Variants in KLF12 observed in about 807,000 individuals in gnomAD.
The protein encoded by KLF12 is KLF transcription factor 12.
Under a neutral mutation model 37.8 loss-of-function variants are expected in KLF12, and 9 were observed. The ratio of observed to expected loss-of-function variants is 0.24; its 90% CI spans 0.14 to 0.42. KLF12 has a LOEUF of 0.42. Ranked by LOEUF, KLF12 falls within the 10% of genes least tolerant of loss-of-function variation. The pLI is 1.00. For synonymous variants in KLF12, 208 were observed against 202.1 expected (o/e 1.03, Z -0.25); for missense variants, 411 against 516.0 (o/e 0.80, Z 1.97).
chr13:74,271,295 C>A, the KLF12 span, among the ~76,000 whole-genome samples: 3 of 152,126 alleles, frequency 2.0e-5, no homozygotes, highest in Admixed American at 1.3e-4. Context: ...CTGTTGTCTG[C>A]AATCAACATA....
intron 1 of KLF12, among the ~76,000 whole-genome samples, chr13:74,096,487 A>G (rs560363772): frequency 6.6e-6 from 1 of 152,356 alleles, no homozygotes; most frequent in African/African-American, 2.4e-5. Flanking sequence ...TGCAAGATGT[A>G]CACTAAATAA....
chr13:74,119,227 G>A (rs1291895242), intron 1 of KLF12, among the ~76,000 whole-genome samples: 1 of 151,988 alleles, frequency 6.6e-6, no homozygotes, highest in Non-Finnish European at 1.5e-5. Context: ...CAGATACTTG[G>A]GAGGCTGAGG....
At position 73,690,529 on chromosome 13, in the gene KLF12, T is replaced by C. The variant is rs1232891879; in HGVS notation, c.*4961A>G. On this transcript the variant is annotated 3_prime_UTR_variant, in exon 8 of 8. Transcript: ENST00000377669. Reference sequence around the variant, plus strand: ...CTTTTCAGGAAAAGACATTACTAGTTTGGAATCAGTTGTCTGCAACTTAAA... The same window carrying C: ...CTTTTCAGGAAAAGACATTACTAGTCTGGAATCAGTTGTCTGCAACTTAAA... 6.6e-6 allele frequency: 1 copy of C among 152,166 alleles called. No individual in the cohort carries two copies. Among genetic ancestry groups the C allele is most frequent in the Non-Finnish European group, 1.5e-5 (1 of 68,026 alleles). The allele number at this position is 152,166 out of a possible 1,614,324, so 9.4% of individuals were successfully genotyped here.
intron 1 of KLF12, among the ~76,000 whole-genome samples, chr13:74,056,683 G>A (rs1439683452): frequency 6.6e-6 from 1 of 152,032 alleles, no homozygotes; most frequent in Non-Finnish European, 1.5e-5. Flanking sequence ...ATGTTATTTC[G>A]AAGTTACAGT....
intron 2 of KLF12, among the ~76,000 whole-genome samples, chr13:73,967,099 A>G (rs959671239): frequency 6.6e-6 from 1 of 152,190 alleles, no homozygotes; most frequent in East Asian, 1.9e-4. Flanking sequence ...CCTTCCTATG[A>G]ATGCAAATGT....
At chr13:73,732,651 C>G (rs751032755) in intron 6 of KLF12, among the ~76,000 whole-genome samples, 2 of 152,178 alleles carry the variant, frequency 1.3e-5, no homozygotes, top group Non-Finnish European at 2.9e-5. Flanking sequence ...GTCCTCCAGC[C>G]GTTTCTCCTT....
chr13:73,700,052 T>G (rs1017886807), intron 7 of KLF12, among the ~76,000 whole-genome samples: 1 of 152,074 alleles, frequency 6.6e-6, no homozygotes. Flanking sequence ...GATCAATCAC[T>G]TGAGGCCAGG....
At chr13:74,119,883 C>CACCT (rs1877523642) in intron 1 of KLF12, among the ~76,000 whole-genome samples, 1 of 151,494 alleles carries the variant, frequency 6.6e-6, no homozygotes, top group African/African-American at 2.4e-5. Context: ...AATGATAACA[C>CACCT]ACCTATATGC....
the KLF12 span, among the ~76,000 whole-genome samples, chr13:74,143,657 T>G: frequency 6.6e-6 from 1 of 152,204 alleles, no homozygotes; most frequent in Non-Finnish European, 1.5e-5. Context: ...CTCTATGTAG[T>G]GCTTATCATC....
intron 1 of KLF12, among the ~76,000 whole-genome samples, chr13:74,022,451 C>A (rs910970451): frequency 1.4e-5 from 2 of 140,196 alleles, no homozygotes; most frequent in Non-Finnish European, 1.5e-5. Flanking sequence ...CACCAGTGGC[C>A]ACAGTCTCCC....
intron 3 of KLF12, among the ~76,000 whole-genome samples, chr13:73,923,125 T>C (rs1371727276): frequency 2.6e-5 from 4 of 152,196 alleles, no homozygotes; most frequent in Admixed American, 2.6e-4. Flanking sequence ...TCAAGTATTT[T>C]TTTTATCTTC....
intron 1 of KLF12, among the ~76,000 whole-genome samples, chr13:74,045,380 C>T (rs1175915726): frequency 1.3e-5 from 2 of 152,148 alleles, no homozygotes; most frequent in East Asian, 3.9e-4. Flanking sequence ...GACTGAGAGA[C>T]ACTCTACAAA....
chr13:74,103,179 T>G (rs1419917495), intron 1 of KLF12, among the ~76,000 whole-genome samples: 1 of 152,226 alleles, frequency 6.6e-6, no homozygotes, highest in Admixed American at 6.5e-5. Context: ...TTAAAATTAT[T>G]TATAAGTAAT....
intron 2 of KLF12, among the ~76,000 whole-genome samples, chr13:73,950,296 A>T (rs1391836254): frequency 6.6e-6 from 1 of 152,176 alleles, no homozygotes; most frequent in Non-Finnish European, 1.5e-5. Flanking sequence ...AACCAATCCA[A>T]TCCAAACTGG....
chr13:73,904,287 TG>T (rs1888169651), intron 3 of KLF12, among the ~76,000 whole-genome samples: 1 of 152,210 alleles, frequency 6.6e-6, no homozygotes, highest in Non-Finnish European at 1.5e-5. Context: ...ATTTGTTTTC[TG>T]GGATGTATAG....
At chr13:74,195,796 C>T in the KLF12 span, among the ~76,000 whole-genome samples, 9 of 152,078 alleles carry the variant, frequency 5.9e-5, no homozygotes, top group East Asian at 1.7e-3. Flanking sequence ...GATGGCCAGG[C>T]TGGTCTCGAA....
At chr13:74,060,553 G>C (rs1873538452) in intron 1 of KLF12, among the ~76,000 whole-genome samples, 1 of 143,188 alleles carries the variant, frequency 7.0e-6, no homozygotes, top group Non-Finnish European at 1.5e-5. Context: ...TTGAGTTCCT[G>C]ATTTGGTTCT....
the KLF12 span, among the ~76,000 whole-genome samples, chr13:74,225,906 A>G: frequency 6.6e-6 from 1 of 152,154 alleles, no homozygotes; most frequent in Admixed American, 6.6e-5. Context: ...AGGGAAGGAT[A>G]CTTTTCTACA....
At chr13:73,882,875 T>C (rs1887046327) in intron 3 of KLF12, among the ~76,000 whole-genome samples, 1 of 152,190 alleles carries the variant, frequency 6.6e-6, no homozygotes, top group Non-Finnish European at 1.5e-5. Flanking sequence ...GCCTCATGTA[T>C]AGGGCGATTT....
Sources: allele counts gnomAD v4.1 joint callset (sites outside exome capture counted in the v4.1 genomes callset), GRCh38; gene constraint gnomAD v4.1.1; transcripts MANE v1.5; gene names NCBI Gene and HGNC (gene_info 2026-07-23, HGNC 2026-07-21).